Variants in FAM210A observed in about 807,000 individuals in gnomAD.
The protein encoded by FAM210A is mitochondrial inner membrane scaffold 1.
In FAM210A, 13 loss-of-function variants were observed where a neutral mutation model predicts 25.3. The ratio of observed to expected loss-of-function variants is 0.51; its 90% CI spans 0.33 to 0.82. The LOEUF (loss-of-function observed/expected upper bound fraction) is 0.82, where lower values mean the gene tolerates loss of function less well. Among genes scored for constraint, FAM210A ranks in the 40% least tolerant of loss-of-function variants. FAM210A has a pLI of 0.02. For missense variants in FAM210A, 319 were observed against 323.2 expected (o/e 0.99, Z 0.10); for synonymous variants, 125 against 118.7 (o/e 1.05, Z -0.35).
chr18:13,677,351 G>A (rs1228811005), intron 2 of FAM210A, among the ~76,000 whole-genome samples: 3 of 152,200 alleles, frequency 2.0e-5, no homozygotes, highest in Admixed American at 1.3e-4. Flanking sequence ...TGGGATTACA[G>A]GCGTGAGCCA....
chr18:13,726,366 C>T lies in FAM210A; in HGVS notation c.-66G>A, dbSNP rs1438210714. The T allele has an allele frequency of 6.4e-6, 1 of 155,308 alleles. No individual in the cohort carries two copies. The highest frequency in any genetic ancestry group is 1.4e-5 in the Non-Finnish European group (1 of 70,620). The allele number at this position is 155,308 out of a possible 1,614,324, so 9.6% of individuals were successfully genotyped here. On this transcript the variant is annotated 5_prime_UTR_variant, in exon 1 of 4. Transcript: ENST00000651643. ...TGGAGCCGCCGCCGCCGCTTCCCGC[C>T]GCGCAGGCTGGACCACAGCTCCTCG...
At chr18:13,694,307 T>G (rs548587790) in intron 1 of FAM210A, among the ~76,000 whole-genome samples, 8 of 152,254 alleles carry the variant, frequency 5.3e-5, no homozygotes, top group African/African-American at 1.2e-4. Flanking sequence ...CCAAGGTAAT[T>G]TATAGATTCA....
At chr18:13,717,750 C>T (rs993594284) in intron 1 of FAM210A, among the ~76,000 whole-genome samples, 7 of 152,144 alleles carry the variant, frequency 4.6e-5, no homozygotes, top group African/African-American at 1.7e-4. Flanking sequence ...GGGCCCAATG[C>T]ACCAGAATGT....
rs538240516 is a variant in FAM210A at position 13,685,753 on chromosome 18, C to T, written c.-28-3648G>A. ...AACCCAACTACCTTAGGCACTTGTT[C>T]TCAGAACTTCTTGAGACTGCCTCAG... On this transcript the variant is annotated intron_variant, in intron 1 of 3. Coordinates refer to ENST00000651643, the MANE Select transcript of FAM210A (RefSeq NM_152352.4). Among the ~76,000 whole-genome samples the T allele has an allele frequency of 2.6e-5, 4 of 152,322 alleles. No homozygotes were observed. The South Asian group carries it at 8.3e-4, about 32-fold the overall frequency.
At chr18:13,710,468 G>C (rs1180391654) in intron 1 of FAM210A, 1 of 152,316 alleles carries the variant, frequency 6.6e-6, no homozygotes. Flanking sequence ...ACAGGCATGA[G>C]CTACCGTGCC....
intron 1 of FAM210A, among the ~76,000 whole-genome samples, chr18:13,694,641 T>C (rs144166429): frequency 0.018 from 2,707 of 152,260 alleles, 31 homozygotes; most frequent in Middle Eastern, 0.061. Context: ...TAATAAATGG[T>C]GCTGGGAAAA....
chr18:13,669,271 A>AT (rs2043424252), intron 3 of FAM210A, among the ~76,000 whole-genome samples: 1 of 152,164 alleles, frequency 6.6e-6, no homozygotes, highest in Admixed American at 6.5e-5. Flanking sequence ...AGCCAAAGTG[A>AT]TTTTGATGGA....
intron 1 of FAM210A, among the ~76,000 whole-genome samples, chr18:13,688,090 A>G (rs1426584074): frequency 1.3e-5 from 2 of 152,214 alleles, no homozygotes; most frequent in Non-Finnish European, 2.9e-5. Context: ...TCCCATGTAC[A>G]GAACAAAGAC....
chr18:13,676,504 G>A (rs1395257383), intron 2 of FAM210A, among the ~76,000 whole-genome samples: 4 of 151,628 alleles, frequency 2.6e-5, no homozygotes, highest in Non-Finnish European at 2.9e-5. Flanking sequence ...TCTTTATTTC[G>A]TTTCCTGATT....
chr18:13,667,742 T>C (rs1006417988), intron 3 of FAM210A, among the ~76,000 whole-genome samples: 2 of 146,480 alleles, frequency 1.4e-5, no homozygotes, highest in Non-Finnish European at 3.0e-5. Flanking sequence ...ACAAAAAACA[T>C]AGGTGTTGGC....
intron 1 of FAM210A, chr18:13,687,697 G>T (rs1022302403): frequency 6.6e-6 from 1 of 152,142 alleles, no homozygotes; most frequent in Non-Finnish European, 1.5e-5. Context: ...ACTGGAAGTG[G>T]GTCAGCCTAT....
intron 3 of FAM210A, 151 bp from the exon 4 acceptor site, chr18:13,666,864 G>T (rs12456278): frequency 0.011 from 7,048 of 668,856 alleles, 210 homozygotes; most frequent in African/African-American, 0.079. Flanking sequence ...ATCCTATATG[G>T]TTTTCCCTCC....
At chr18:13,695,107 G>GA (rs1568484094) in intron 1 of FAM210A, among the ~76,000 whole-genome samples, 2 of 152,262 alleles carry the variant, frequency 1.3e-5, no homozygotes, top group East Asian at 3.8e-4. Flanking sequence ...ACAGACACAT[G>GA]AAAAAATGCT....
At chr18:13,673,220 C>T (rs1406550777) in intron 2 of FAM210A, among the ~76,000 whole-genome samples, 1 of 150,640 alleles carries the variant, frequency 6.6e-6, no homozygotes, top group African/African-American at 2.4e-5. Flanking sequence ...TTTCCAGTTT[C>T]CTGATTATTA....
chr18:13,668,111 A>G (rs139835574), intron 3 of FAM210A, among the ~76,000 whole-genome samples: 3 of 152,236 alleles, frequency 2.0e-5, no homozygotes, highest in Non-Finnish European at 4.4e-5. Flanking sequence ...AAACTTTGAA[A>G]GAGCTGTCTG....
rs1298877431 is a variant in FAM210A at position 13,691,216 on chromosome 18, C to T, written c.-28-9111G>A. 7.9e-5 allele frequency among the ~76,000 whole-genome samples: 12 copies of T among 152,174 alleles called. No homozygotes were observed. In the South Asian group the frequency reaches 2.3e-3, roughly 29 times the overall value. On this transcript the variant is annotated intron_variant, in intron 1 of 3. Transcript: ENST00000651643. ...AGAGAAGTTTAGAGAAAAAAGAATA[C>T]AAAGACATGAAGAAATCCTCCAAGA...
At chr18:13,695,253 G>T (rs904273920) in intron 1 of FAM210A, among the ~76,000 whole-genome samples, 4 of 152,152 alleles carry the variant, frequency 2.6e-5, no homozygotes, top group African/African-American at 7.2e-5. Context: ...GGAACACTTT[G>T]ACACTGTTGG....
Position 13,707,896 on chromosome 18 carries a change from C to T in FAM210A, c.-29+18433G>A, listed in dbSNP as rs564070715. On this transcript the variant is annotated intron_variant, in intron 1 of 3. Coordinates refer to ENST00000651643, the MANE Select transcript of FAM210A (RefSeq NM_152352.4). The stretch of plus-strand genomic sequence containing the variant: ...CTTCCGATTCCTGTACATCATTTCC[C>T]TTTTTTTTTTTGTCTATAAATCTTC... Among the ~76,000 whole-genome samples, 8 of 147,606 alleles carry T rather than the reference C, an allele frequency of 5.4e-5. 1 individual carries two copies. The South Asian group carries it at 1.7e-3, about 32-fold the overall frequency.
At chr18:13,682,854 G>A (rs2043567646) in intron 1 of FAM210A, among the ~76,000 whole-genome samples, 1 of 152,174 alleles carries the variant, frequency 6.6e-6, no homozygotes, top group Non-Finnish European at 1.5e-5. Context: ...GGGGGACAGA[G>A]CAAGACTCCG....
Sources: allele counts gnomAD v4.1 joint callset (sites outside exome capture counted in the v4.1 genomes callset), GRCh38; gene constraint gnomAD v4.1.1; transcripts MANE v1.5; gene names NCBI Gene and HGNC (gene_info 2026-07-23, HGNC 2026-07-21).